SYT6: variants seen among roughly 807,000 people sequenced by gnomAD.
SYT6 encodes the protein synaptotagmin-6.
A neutral mutation model predicts 38.4 loss-of-function variants in SYT6; 24 were observed. The observed-to-expected ratio is 0.62, with a 90% confidence interval of 0.45 to 0.88. The LOEUF (loss-of-function observed/expected upper bound fraction) is 0.88. SYT6 is among the 40% of genes least tolerant of loss of function. The pLI is 0.00. For missense variants in SYT6, 611 were observed against 621.0 expected (o/e 0.98, Z 0.17); for synonymous variants, 265 against 241.9 (o/e 1.10, Z -0.89).
intron 3 of SYT6, among the ~76,000 whole-genome samples, chr1:114,112,379 T>C (rs1676740733): frequency 6.6e-6 from 1 of 152,204 alleles, no homozygotes; most frequent in African/African-American, 2.4e-5. Flanking sequence ...GAGAAACAGA[T>C]GGTCTTATTT....
chr1:114,134,468 A>T (rs1281915520), intron 3 of SYT6, among the ~76,000 whole-genome samples: 1 of 152,258 alleles, frequency 6.6e-6, no homozygotes, highest in African/African-American at 2.4e-5. Context: ...TACAAGAGAA[A>T]GTCAAATGTG....
rs1046589410 is a variant in SYT6 at position 114,092,104 on chromosome 1, G to A, written c.*52-22C>T. 12 of 1,534,622 alleles carry A rather than the reference G, an allele frequency of 7.8e-6. No individual in the cohort carries two copies. In the African/African-American group the frequency reaches 1.4e-4, roughly 18 times the overall value. ...GCCACTGCAAAGAGGAGAACAATCTGTTTATTAATTGCTAAAGGAATTTAC... is the reference window on the plus strand; with the variant it reads ...GCCACTGCAAAGAGGAGAACAATCTATTTATTAATTGCTAAAGGAATTTAC... On this transcript the variant is annotated intron_variant, in intron 7 of 7. Transcript: ENST00000610222.
At chr1:114,149,413 C>T (rs1481727665) in intron 1 of SYT6, among the ~76,000 whole-genome samples, 2 of 151,888 alleles carry the variant, frequency 1.3e-5, no homozygotes, top group African/African-American at 4.8e-5. Flanking sequence ...GAGATCCAGA[C>T]TGAGCTACCA....
At chr1:114,100,564 T>C (rs182510777) in intron 4 of SYT6, among the ~76,000 whole-genome samples, 1 of 152,368 alleles carries the variant, frequency 6.6e-6, no homozygotes, top group Non-Finnish European at 1.5e-5. Flanking sequence ...GTGGCAGCAG[T>C]AGCTATGCCT....
At chr1:114,149,577 G>A (rs1281116970) in intron 1 of SYT6, among the ~76,000 whole-genome samples, 4 of 152,066 alleles carry the variant, frequency 2.6e-5, no homozygotes, top group Admixed American at 6.5e-5. Context: ...GAGCTAAATC[G>A]GAGACTAATG....
At chr1:114,113,840 C>T (rs1363900977) in intron 3 of SYT6, among the ~76,000 whole-genome samples, 1 of 152,168 alleles carries the variant, frequency 6.6e-6, no homozygotes, top group East Asian at 1.9e-4. Context: ...ATGGATTGTA[C>T]CACTCCTTGT....
intron 3 of SYT6, among the ~76,000 whole-genome samples, chr1:114,131,308 C>G (rs561983052): frequency 6.6e-6 from 1 of 152,290 alleles, no homozygotes; most frequent in African/African-American, 2.4e-5. Flanking sequence ...GATCCTTCCC[C>G]AAGTCCAAAG....
intron 5 of SYT6, 45 bp from the exon 6 acceptor site, chr1:114,097,922 C>T (rs1473374379): frequency 1.9e-6 from 3 of 1,606,478 alleles, no homozygotes; most frequent in African/African-American, 1.3e-5. Context: ...CAGACATGCC[C>T]TCAGAAAAGG....
At chr1:114,099,498 G>A (rs536608099) in intron 4 of SYT6, among the ~76,000 whole-genome samples, 147 of 152,222 alleles carry the variant, frequency 9.7e-4, no homozygotes, top group Middle Eastern at 3.4e-3. Context: ...TTGGGAGAGC[G>A]CCTAATGGAC....
chr1:114,139,473 CT>C (rs1451637623), intron 2 of SYT6, 141 bp downstream of exon 2: 2 of 1,359,016 alleles, frequency 1.5e-6, no homozygotes, highest in African/African-American at 2.9e-5. Flanking sequence ...CCCATCATGG[CT>C]CACATCATCT....
rs376895721 is a variant in SYT6, at chr1:114,153,473, C to G, written c.163+137G>C. On this transcript the variant is annotated intron_variant, in intron 1 of 7. Coordinates refer to ENST00000610222, the MANE Select transcript of SYT6 (RefSeq NM_001253772.2). Reference sequence around the variant, plus strand: ...GCAAGCGATGGGCCAGAGGGCTGGACGAGGCTGGCTCCCAATCCAGAATCC... The same window carrying G: ...GCAAGCGATGGGCCAGAGGGCTGGAGGAGGCTGGCTCCCAATCCAGAATCC... 5.8e-4 allele frequency: 310 copies of G among 533,986 alleles called. 1 individual carries two copies. In the African/African-American group the frequency reaches 5.9e-3, roughly 10 times the overall value. 33.1% of individuals were successfully genotyped at this position (533,986 alleles called of 1,614,324 possible). A position where few individuals can be genotyped will look rare whatever the true frequency, so the allele number is the denominator to read the frequency against.
At chr1:114,094,744 C>T (rs1016192852) in intron 6 of SYT6, among the ~76,000 whole-genome samples, 1 of 152,158 alleles carries the variant, frequency 6.6e-6, no homozygotes, top group African/African-American at 2.4e-5. Flanking sequence ...GGATATGATG[C>T]CATTTATCTT....
chr1:114,129,413 C>T (rs1677950923), intron 3 of SYT6, among the ~76,000 whole-genome samples: 1 of 145,244 alleles, frequency 6.9e-6, no homozygotes. Flanking sequence ...TCTCCCGCCT[C>T]TTACCTCTCC....
At chr1:114,143,963 G>C (rs567069987) in intron 1 of SYT6, among the ~76,000 whole-genome samples, 1 of 152,290 alleles carries the variant, frequency 6.6e-6, no homozygotes, top group South Asian at 2.1e-4. Flanking sequence ...TGAGCCCAAG[G>C]CCTCTTCTTG....
chr1:114,136,331 C>T (rs1557761745), intron 3 of SYT6, among the ~76,000 whole-genome samples: 2 of 152,190 alleles, frequency 1.3e-5, no homozygotes, highest in African/African-American at 2.4e-5. Context: ...GGGGTTGCCC[C>T]TCCTCAGAGA....
At chr1:114,135,340 T>A (rs1252944582) in intron 3 of SYT6, among the ~76,000 whole-genome samples, 3 of 152,176 alleles carry the variant, frequency 2.0e-5, no homozygotes, top group Non-Finnish European at 4.4e-5. Flanking sequence ...AGGATCGTAT[T>A]TGCTGCTTTG....
intron 3 of SYT6, among the ~76,000 whole-genome samples, chr1:114,107,934 C>T (rs1018606777): frequency 7.9e-5 from 12 of 152,208 alleles, no homozygotes; most frequent in African/African-American, 2.2e-4. Flanking sequence ...GGAGAGGCTG[C>T]CTTAGGGCCC....
At position 114,092,051 on chromosome 1, in the gene SYT6, T is replaced by A; in HGVS notation, c.*83A>T. 1.3e-6 allele frequency: 2 copies of A among 1,536,302 alleles called. No homozygotes were observed. Among genetic ancestry groups the A allele is most frequent in the Non-Finnish European group, 1.7e-6 (2 of 1,146,904 alleles). ...TGGTTTCGGAGATGGGCACGAGCTC[T>A]CACTGTCGAAGCTAGCAGCTCGGCC... On this transcript the variant is annotated 3_prime_UTR_variant, in exon 8 of 8. Transcript: ENST00000610222.
In SYT6 at chr1:114,153,607, TAC is replaced by T; in HGVS notation, c.163+1_163+2del. The T allele has an allele frequency of 1.7e-6, 1 of 597,410 alleles. No individual in the cohort carries two copies. 37.0% of individuals were successfully genotyped at this position (597,410 alleles called of 1,614,324 possible). On this transcript the variant is annotated splice_donor_variant, in intron 1 of 7. Transcript: ENST00000610222. LOFTEE classifies it high-confidence loss of function. ...AGGGAGGGGGCCCTGGGTCTCCCGTTACCTGCGCCTGCCGCGCTGGGACTCCG... is the reference window on the plus strand; with the variant it reads ...AGGGAGGGGGCCCTGGGTCTCCCGTTCTGCGCCTGCCGCGCTGGGACTCCG...
Sources: gnomAD v4.1 joint callset for allele counts (sites outside exome capture counted in the v4.1 genomes callset) on GRCh38, gnomAD v4.1.1 for gene constraint, MANE v1.5 for transcripts, NCBI Gene and HGNC (gene_info 2026-07-23, HGNC 2026-07-21) for gene names.